Variants in CCDC102B observed in about 807,000 individuals in gnomAD.
CCDC102B encodes coiled-coil domain containing 102B, also known as coiled-coil domain-containing protein 102B.
A neutral mutation model predicts 57.4 loss-of-function variants in CCDC102B; 75 were observed. That is an observed-to-expected ratio of 1.31 (90% CI 1.08 to 1.58). The LOEUF (loss-of-function observed/expected upper bound fraction) is 1.58. Ranked by LOEUF, CCDC102B falls within the 40% of genes most tolerant of loss-of-function variation. The pLI is 0.00. For missense variants in CCDC102B, 636 were observed against 582.6 expected, an observed-to-expected ratio of 1.09 and a Z score of -0.94; for synonymous variants, 206 against 201.9, an observed-to-expected ratio of 1.02 and a Z score of -0.17.
chr18:68,909,125 A>G (rs1202018266), intron 6 of CCDC102B, among the ~76,000 whole-genome samples: 4 of 150,000 alleles, frequency 2.7e-5, no homozygotes, highest in Non-Finnish European at 5.9e-5. Context: ...TGAAACACAG[A>G]AGGAAGGCAG....
intron 6 of CCDC102B, among the ~76,000 whole-genome samples, chr18:68,903,411 G>A (rs765923867): frequency 1.9e-4 from 29 of 152,322 alleles, no homozygotes; most frequent in South Asian, 4.1e-4. Context: ...ATAATAACCA[G>A]TGAGAGAACA....
chr18:68,952,420 TC>T (rs2049724796), intron 6 of CCDC102B, among the ~76,000 whole-genome samples: 1 of 152,060 alleles, frequency 6.6e-6, no homozygotes. Flanking sequence ...TTTTACCCAA[TC>T]ATTTTGAATA....
At chr18:68,814,467 T>A (rs1599502076) in intron 1 of CCDC102B, among the ~76,000 whole-genome samples, 1 of 152,238 alleles carries the variant, frequency 6.6e-6, no homozygotes, top group East Asian at 1.9e-4. Context: ...ATTATAGGAC[T>A]TTGGACCAGA....
intron 1 of CCDC102B, among the ~76,000 whole-genome samples, chr18:68,799,168 A>C (rs768360459): frequency 6.6e-6 from 1 of 152,118 alleles, no homozygotes; most frequent in Non-Finnish European, 1.5e-5. Flanking sequence ...TATCCAGTAA[A>C]TATTCTTGAA....
At chr18:68,774,988 T>C (rs12456982) in intron 2 of CCDC102B, among the ~76,000 whole-genome samples, 14,464 of 151,144 alleles carry the variant, frequency 0.096, 1,437 homozygotes, top group African/African-American at 0.26. Flanking sequence ...TACATATTTG[T>C]ATATGTACAC....
intron 7 of CCDC102B, among the ~76,000 whole-genome samples, chr18:69,041,621 C>T (rs1013596797): frequency 1.3e-5 from 2 of 152,068 alleles, no homozygotes; most frequent in African/African-American, 4.8e-5. Context: ...TGCCTGGAGT[C>T]TGACCATTAG....
At chr18:68,893,745 T>C (rs1159037516) in intron 5 of CCDC102B, among the ~76,000 whole-genome samples, 1 of 152,108 alleles carries the variant, frequency 6.6e-6, no homozygotes, top group African/African-American at 2.4e-5. Flanking sequence ...AATGAGTAAA[T>C]AGCTATGTTT....
intron 6 of CCDC102B, among the ~76,000 whole-genome samples, chr18:68,934,770 GA>G (rs2041788390): frequency 6.6e-6 from 1 of 151,700 alleles, no homozygotes; most frequent in Admixed American, 6.6e-5. Context: ...TTATGATTGT[GA>G]TGTTTATGTA....
At chr18:68,938,377 TAGCACTTCATAC>T (rs1321927510) in intron 6 of CCDC102B, among the ~76,000 whole-genome samples, 1 of 152,048 alleles carries the variant, frequency 6.6e-6, no homozygotes, top group African/African-American at 2.4e-5. Flanking sequence ...GTACTTTTGA[TAGCACTTCATAC>T]AGCATTTTGT....
At chr18:69,057,744 C>A (rs1172874077), downstream of CCDC102B, among the ~76,000 whole-genome samples, 1 of 152,024 alleles carries the variant, frequency 6.6e-6, no homozygotes, top group Non-Finnish European at 1.5e-5. Flanking sequence ...TGGCACAGTG[C>A]AGCAAGTCCT....
At chr18:69,033,809 A>C (rs1213988690) in intron 7 of CCDC102B, among the ~76,000 whole-genome samples, 2 of 151,952 alleles carry the variant, frequency 1.3e-5, no homozygotes, top group Non-Finnish European at 2.9e-5. Context: ...TTACATTTTC[A>C]CATGCAATGT....
chr18:68,953,392 C>A (rs2049755709), intron 6 of CCDC102B, among the ~76,000 whole-genome samples: 2 of 133,544 alleles, frequency 1.5e-5, no homozygotes, highest in African/African-American at 2.8e-5. Flanking sequence ...GCGGTCCTTA[C>A]AAGTATGAGG....
chr18:68,781,506 C>T (rs1020045835), intron 2 of CCDC102B, among the ~76,000 whole-genome samples: 4 of 151,974 alleles, frequency 2.6e-5, no homozygotes, highest in African/African-American at 7.2e-5. Context: ...AGAGAGTTTC[C>T]AAGTGGGCAG....
At chr18:69,019,977 T>C (rs1316320934) in intron 7 of CCDC102B, among the ~76,000 whole-genome samples, 1 of 152,142 alleles carries the variant, frequency 6.6e-6, no homozygotes, top group Non-Finnish European at 1.5e-5. Context: ...GTGTATTTTT[T>C]CCCTTTCATT....
intron 6 of CCDC102B, among the ~76,000 whole-genome samples, chr18:68,951,127 G>A (rs1048700858): frequency 6.6e-6 from 1 of 152,038 alleles, no homozygotes; most frequent in African/African-American, 2.4e-5. Context: ...AGGAAGAGTT[G>A]GCTCTTACTG....
intron 7 of CCDC102B, among the ~76,000 whole-genome samples, chr18:69,046,172 CA>C: frequency 6.6e-6 from 1 of 152,144 alleles, no homozygotes; most frequent in South Asian, 2.1e-4. Flanking sequence ...GAGGAATCAC[CA>C]CACTGCTTTC....
chr18:68,880,829 T>C (rs2039668962), intron 5 of CCDC102B, among the ~76,000 whole-genome samples: 1 of 152,228 alleles, frequency 6.6e-6, no homozygotes, highest in Non-Finnish European at 1.5e-5. Flanking sequence ...CAAGTAGTTA[T>C]TGGAACAATT....
intron 2 of CCDC102B, chr18:68,753,057 A>G (rs534533488): frequency 6.6e-6 from 1 of 152,248 alleles, no homozygotes; most frequent in African/African-American, 2.4e-5. Context: ...TAATATGGGT[A>G]ACTTATTCAA....
chr18:68,729,702 G>C (rs764238185), intron 2 of CCDC102B, among the ~76,000 whole-genome samples: 2 of 152,162 alleles, frequency 1.3e-5, no homozygotes, highest in Non-Finnish European at 2.9e-5. Flanking sequence ...TGAAAGTCTT[G>C]ATAAGAATAT....
Sources: gnomAD v4.1 joint callset for allele counts (sites outside exome capture counted in the v4.1 genomes callset) on GRCh38, gnomAD v4.1.1 for gene constraint, MANE v1.5 for transcripts, NCBI Gene and HGNC (gene_info 2026-07-23, HGNC 2026-07-21) for gene names.